TMEM260: variants seen among roughly 807,000 people sequenced by gnomAD.
TMEM260 encodes the protein protein O-mannosyl-transferase TMEM260.
Under a neutral mutation model 88.9 loss-of-function variants are expected in TMEM260, and 82 were observed. The observed-to-expected ratio is 0.92, with a 90% confidence interval of 0.77 to 1.11. TMEM260 has a LOEUF of 1.11. Ranked by LOEUF, TMEM260 falls within the 50% of genes least tolerant of loss-of-function variation. The pLI, the probability that TMEM260 is intolerant of heterozygous loss-of-function variation, is 0.00. For synonymous variants in TMEM260, 314 were observed against 309.3 expected (o/e 1.02, Z -0.16); for missense variants, 902 against 853.4 (o/e 1.06, Z -0.71).
At chr14:56,634,315 G>C (rs1373321574) in intron 13 of TMEM260, among the ~76,000 whole-genome samples, 1 of 152,114 alleles carries the variant, frequency 6.6e-6, no homozygotes, top group Non-Finnish European at 1.5e-5. Flanking sequence ...TAGTTCTTAT[G>C]AACAGCTGGC....
At chr14:56,605,362 T>G (rs1886830072) in intron 4 of TMEM260, among the ~76,000 whole-genome samples, 1 of 152,176 alleles carries the variant, frequency 6.6e-6, no homozygotes, top group Non-Finnish European at 1.5e-5. Context: ...AAGATCAAAT[T>G]GCAATTATTT....
chr14:56,639,110 C>G (rs1448643014), intron 15 of TMEM260, among the ~76,000 whole-genome samples: 2 of 152,086 alleles, frequency 1.3e-5, no homozygotes, highest in Non-Finnish European at 2.9e-5. Context: ...GGGAAATGCT[C>G]CTGGAAGTGT....
At chr14:56,618,343 A>G (rs76214622) in intron 9 of TMEM260, among the ~76,000 whole-genome samples, 3,646 of 152,290 alleles carry the variant, frequency 0.024, 140 homozygotes, top group African/African-American at 0.082. Context: ...GTTCAAGACT[A>G]AGGCCACAGT....
At chr14:56,608,808 G>A (rs1258216324) in intron 5 of TMEM260, among the ~76,000 whole-genome samples, 1 of 152,162 alleles carries the variant, frequency 6.6e-6, no homozygotes, top group African/African-American at 2.4e-5. Context: ...AATGCTGCTT[G>A]TCATGACATG....
intron 1 of TMEM260, among the ~76,000 whole-genome samples, chr14:56,581,992 T>C (rs907563440): frequency 6.6e-6 from 1 of 152,234 alleles, no homozygotes. Context: ...GTTACCAAAC[T>C]TTAGGTGCTT....
At chr14:56,598,956 C>T (rs1886404618) in intron 3 of TMEM260, among the ~76,000 whole-genome samples, 1 of 152,204 alleles carries the variant, frequency 6.6e-6, no homozygotes, top group African/African-American at 2.4e-5. Flanking sequence ...TCATTGGCTG[C>T]TTTCAACAGT....
chr14:56,596,379 A>AGC (rs1179693743), intron 3 of TMEM260, among the ~76,000 whole-genome samples: 1 of 50,108 alleles, frequency 2.0e-5, no homozygotes, highest in Non-Finnish European at 3.9e-5. Flanking sequence ...TATATATGTG[A>AGC]GAGTGTGTGT....
chr14:56,579,755 C>T (rs1402191162), upstream of TMEM260: 73 of 590,048 alleles, frequency 1.2e-4, no homozygotes, highest in East Asian at 2.5e-3. Flanking sequence ...TTCTCCTCCC[C>T]GCGCTCAGGC....
intron 12 of TMEM260, among the ~76,000 whole-genome samples, chr14:56,630,575 C>CCAT (rs1431375347): frequency 1.3e-5 from 2 of 151,954 alleles, no homozygotes; most frequent in African/African-American, 2.4e-5. Flanking sequence ...TTGAGCTTCT[C>CCAT]CATCTTTCCT....
At chr14:56,583,990 TTGTGTGTGTGTG>T (rs10594077) in intron 1 of TMEM260, among the ~76,000 whole-genome samples, 17 of 145,942 alleles carry the variant, frequency 1.2e-4, no homozygotes, top group Admixed American at 2.7e-4. Context: ...ATCCAGCCTT[TTGTGTGTGTGTG>T]TGTGTGTGTG....
chr14:56,630,395 C>T (rs915360393), intron 12 of TMEM260, among the ~76,000 whole-genome samples: 8 of 151,890 alleles, frequency 5.3e-5, no homozygotes, highest in Non-Finnish European at 1.0e-4. Context: ...TGAATTTAGA[C>T]CTTTTGGTAT....
downstream of TMEM260, among the ~76,000 whole-genome samples, chr14:56,653,442 CTT>C (rs1291100758): frequency 6.6e-6 from 1 of 151,814 alleles, no homozygotes. Context: ...CTTAGAAGAA[CTT>C]AACACCAGGC....
chr14:56,608,625 T>A (rs1887059223), intron 5 of TMEM260, among the ~76,000 whole-genome samples: 1 of 152,210 alleles, frequency 6.6e-6, no homozygotes, highest in African/African-American at 2.4e-5. Context: ...CTGTGAAATG[T>A]TCAAAACGCT....
rs72711213 is a variant in TMEM260, at chr14:56,589,254, C to T, written c.344+3342C>T. 7.6e-3 allele frequency among the ~76,000 whole-genome samples: 1,151 copies of T among 152,052 alleles called. 11 individuals are homozygous for T. The highest frequency in any genetic ancestry group is 0.022 in the African/African-American group (925 of 41,508). ...TATGATATCAGAGGAGGGTATATGT[C>T]GTGTCATTTATTTTGGTAGTTACAG... is the stretch of plus-strand genomic sequence containing the variant. On this transcript the variant is annotated intron_variant, in intron 3 of 15. Transcript: ENST00000261556.
intron 11 of TMEM260, among the ~76,000 whole-genome samples, chr14:56,622,478 C>G (rs1594861593): frequency 6.6e-6 from 1 of 150,862 alleles, no homozygotes; most frequent in East Asian, 2.0e-4. Context: ...GGTAAGTAAA[C>G]ATTTCACTCA....
At chr14:56,642,174 G>T (rs1262174266) in intron 15 of TMEM260, among the ~76,000 whole-genome samples, 1 of 152,056 alleles carries the variant, frequency 6.6e-6, no homozygotes, top group East Asian at 1.9e-4. Context: ...GAGATCTACA[G>T]AACTCTCCAC....
chr14:56,644,988 GA>G (rs1422482787), intron 15 of TMEM260, among the ~76,000 whole-genome samples: 3 of 151,758 alleles, frequency 2.0e-5, no homozygotes, highest in African/African-American at 7.3e-5. Context: ...AAAAAGTCAG[GA>G]AACAACAGGT....
chr14:56,596,096 G>T (rs140914552), intron 3 of TMEM260, among the ~76,000 whole-genome samples: 1 of 151,942 alleles, frequency 6.6e-6, no homozygotes, highest in African/African-American at 2.4e-5. Flanking sequence ...CAATAATAAA[G>T]GACATGGCTC....
At chr14:56,614,286 G>A (rs1731820992) in intron 7 of TMEM260, among the ~76,000 whole-genome samples, 1 of 150,968 alleles carries the variant, frequency 6.6e-6, no homozygotes, top group African/African-American at 2.4e-5. Flanking sequence ...AGGCTGAGGT[G>A]AGAGGATCGC....
Sources: gnomAD v4.1 joint callset for allele counts (sites outside exome capture counted in the v4.1 genomes callset) on GRCh38, gnomAD v4.1.1 for gene constraint, MANE v1.5 for transcripts, NCBI Gene and HGNC (gene_info 2026-07-23, HGNC 2026-07-21) for gene names.